UBE2W: variants seen among roughly 807,000 people sequenced by gnomAD.
UBE2W encodes the protein ubiquitin conjugating enzyme E2 W.
UBE2W carries 18 observed loss-of-function variants against 27.2 expected under a neutral mutation model. The observed-to-expected ratio is 0.66, with a 90% confidence interval of 0.46 to 0.98. The LOEUF (loss-of-function observed/expected upper bound fraction) is 0.98, where lower values mean the gene tolerates loss of function less well. Ranked by LOEUF, UBE2W falls within the 50% of genes least tolerant of loss-of-function variation. The pLI is 0.00. For missense variants in UBE2W, 90 were observed against 180.2 expected (o/e 0.50, Z 2.87); for synonymous variants, 53 against 57.2 (o/e 0.93, Z 0.33).
At chr8:73,796,879 A>C (rs1808444443) in intron 5 of UBE2W, among the ~76,000 whole-genome samples, 1 of 108,894 alleles carries the variant, frequency 9.2e-6, no homozygotes, top group Non-Finnish European at 1.8e-5. Context: ...CTCACCCCCC[A>C]ACCAAAAATA....
rs1297934002 is a variant in UBE2W, at chr8:73,792,702, A to G, written c.*1400T>C. The G allele has an allele frequency of 2.6e-5, 26 of 984,798 alleles. No homozygotes were observed. Among genetic ancestry groups the G allele is most frequent in the Non-Finnish European group, 3.1e-5 (26 of 828,960 alleles). The allele number at this position is 984,798 out of a possible 1,614,324, so 61.0% of individuals were successfully genotyped here. On this transcript the variant is annotated 3_prime_UTR_variant, in exon 6 of 6. Transcript: ENST00000602593. Reference sequence around the variant, plus strand: ...CAGATTTTGCATATGTGAAAAGGTAATTTATAAAATACATTAATCACTTTT... The same window carrying G: ...CAGATTTTGCATATGTGAAAAGGTAGTTTATAAAATACATTAATCACTTTT...
chr8:73,814,668 AC>A (rs1809313361), intron 3 of UBE2W, among the ~76,000 whole-genome samples: 1 of 151,878 alleles, frequency 6.6e-6, no homozygotes, highest in Admixed American at 6.6e-5. Context: ...ACAGGCGCAC[AC>A]CACCACGCCT....
chr8:73,819,383 C>T (rs965668370), intron 3 of UBE2W, among the ~76,000 whole-genome samples: 1 of 152,230 alleles, frequency 6.6e-6, no homozygotes, highest in Admixed American at 6.5e-5. Flanking sequence ...TCCCATGACA[C>T]ATCCTCAAGA....
intron 1 of UBE2W, among the ~76,000 whole-genome samples, chr8:73,866,290 AAT>A (rs71269958): frequency 0.028 from 1,217 of 43,048 alleles, 63 homozygotes; most frequent in Middle Eastern, 0.054. Context: ...AAAAAAAAAA[AAT>A]ATATATATAT....
At chr8:73,874,423 C>T (rs1812134639) in intron 1 of UBE2W, among the ~76,000 whole-genome samples, 1 of 152,080 alleles carries the variant, frequency 6.6e-6, no homozygotes, top group African/African-American at 2.4e-5. Context: ...CAGCGAGACT[C>T]TGTCTCAAAA....
chr8:73,828,768 T>A (rs913239672), intron 2 of UBE2W, among the ~76,000 whole-genome samples: 1 of 152,166 alleles, frequency 6.6e-6, no homozygotes, highest in Non-Finnish European at 1.5e-5. Context: ...ATCCTTTCTG[T>A]TACAATCCAA....
intron 1 of UBE2W, among the ~76,000 whole-genome samples, chr8:73,853,441 A>G (rs1162039569): frequency 6.6e-6 from 1 of 152,118 alleles, no homozygotes; most frequent in African/African-American, 2.4e-5. Context: ...TTTATTTTTT[A>G]TAGAGACAGG....
chr8:73,841,210 T>C (rs1424150533), intron 1 of UBE2W, among the ~76,000 whole-genome samples: 2 of 152,168 alleles, frequency 1.3e-5, no homozygotes, highest in Non-Finnish European at 2.9e-5. Context: ...TATTTTTCCC[T>C]AACAACATTA....
chr8:73,829,574 CA>C (rs1229482864), intron 2 of UBE2W, among the ~76,000 whole-genome samples: 4 of 19,018 alleles, frequency 2.1e-4, no homozygotes, highest in Admixed American at 8.2e-4. Context: ...ATGTGTATTA[CA>C]TTTTTTTTTT....
At position 73,841,459 on chromosome 8, in the gene UBE2W, T is replaced by C. The variant is rs186904578; in HGVS notation, c.16-10987A>G. Among the ~76,000 whole-genome samples the C allele has an allele frequency of 5.9e-5, 9 of 152,300 alleles. No homozygotes were observed. The East Asian group carries it at 1.7e-3, about 29-fold the overall frequency. ...TAGTTTAAGCTAAACTTTTTAAAATTCTGACAAATGAAAAAGTGTCAAGAC... is the reference window on the plus strand; with the variant it reads ...TAGTTTAAGCTAAACTTTTTAAAATCCTGACAAATGAAAAAGTGTCAAGAC... On this transcript the variant is annotated intron_variant, in intron 1 of 5. Transcript: ENST00000602593.
chr8:73,792,698 G>C lies in UBE2W; in HGVS notation c.*1404C>G. On this transcript the variant is annotated 3_prime_UTR_variant, in exon 6 of 6. Transcript: ENST00000602593. Reference sequence around the variant, plus strand: ...GAAACAGATTTTGCATATGTGAAAAGGTAATTTATAAAATACATTAATCAC... The same window carrying C: ...GAAACAGATTTTGCATATGTGAAAACGTAATTTATAAAATACATTAATCAC... The C allele has an allele frequency of 1.0e-6, 1 of 984,670 alleles. No individual in the cohort carries two copies. Among genetic ancestry groups the C allele is most frequent in the Non-Finnish European group, 1.2e-6 (1 of 828,986 alleles). 61.0% of individuals were successfully genotyped at this position (984,670 alleles called of 1,614,324 possible).
Position 73,837,099 on chromosome 8 carries a change from T to C in UBE2W, c.16-6627A>G, listed in dbSNP as rs186709818. 2.2e-3 allele frequency among the ~76,000 whole-genome samples: 337 copies of C among 152,360 alleles called. 1 individual carries two copies. The highest frequency in any genetic ancestry group is 6.6e-3 in the African/African-American group (273 of 41,588). ...CTAAGACACGCCATCAATTGTAAGA[T>C]GCATCATCATTTTATGTGTCACTAG... On this transcript the variant is annotated intron_variant, in intron 1 of 5. Coordinates refer to ENST00000602593, the MANE Select transcript of UBE2W (RefSeq NM_018299.6).
At position 73,794,075 on chromosome 8, in the gene UBE2W, T is replaced by TG. The variant is rs776538756; in HGVS notation, c.*26_*27insC. 1.2e-6 allele frequency: 2 copies of TG among 1,613,114 alleles called. No individual in the cohort carries two copies. The highest frequency in any genetic ancestry group is 1.7e-6 in the Non-Finnish European group (2 of 1,179,626). On this transcript the variant is annotated 3_prime_UTR_variant, in exon 6 of 6. Coordinates refer to ENST00000602593, the MANE Select transcript of UBE2W (RefSeq NM_018299.6). ...GCTCATTTTCTCAGTAGGACTATCT[T>TG]CTGCTAGGAGGATGATAACAGTGGC...
At position 73,787,398 on chromosome 8, in the gene UBE2W, T is replaced by C. The variant is rs1277653769; in HGVS notation, c.*6704A>G. ...CTAATGGAGAAAAGTCAAATCCTAC[T>C]ATGGAAAGTAGAAATTAAGGATTAT... On this transcript the variant is annotated 3_prime_UTR_variant, in exon 6 of 6. Coordinates refer to ENST00000602593, the MANE Select transcript of UBE2W (RefSeq NM_018299.6). 2.0e-6 allele frequency: 2 copies of C among 985,256 alleles called. No homozygotes were observed. The highest frequency in any genetic ancestry group is 2.4e-6 in the Non-Finnish European group (2 of 829,912). 61.0% of individuals were successfully genotyped at this position (985,256 alleles called of 1,614,324 possible).
chr8:73,780,460 A>G (rs1807821114), exon 5 of UBE2W: 1 of 451,812 alleles, frequency 2.2e-6, no homozygotes. Context: ...ACTTCAACAC[A>G]TCTTATTGGA....
At chr8:73,808,512 C>T (rs529795250) in intron 4 of UBE2W, among the ~76,000 whole-genome samples, 3 of 152,330 alleles carry the variant, frequency 2.0e-5, no homozygotes, top group South Asian at 2.1e-4. Flanking sequence ...GGATTACAGG[C>T]GTGAGCCACT....
chr8:73,784,490 A>T (rs566870871), downstream of UBE2W, among the ~76,000 whole-genome samples: 4 of 152,310 alleles, frequency 2.6e-5, no homozygotes, highest in African/African-American at 9.6e-5. Context: ...GTCTGTTTAT[A>T]TTTCTGCTGG....
At chr8:73,810,407 A>T in intron 4 of UBE2W, 67 bp downstream of exon 4, 1 of 1,391,120 alleles carries the variant, frequency 7.2e-7, no homozygotes, top group Non-Finnish European at 9.7e-7. Context: ...ATAATTACAT[A>T]TTAAAATTAT....
chr8:73,826,082 G>A (rs1401879912), intron 2 of UBE2W, among the ~76,000 whole-genome samples: 1 of 151,980 alleles, frequency 6.6e-6, no homozygotes, highest in Non-Finnish European at 1.5e-5. Context: ...GAGCTAAATT[G>A]ACATCAGTCC....
Sources: allele counts gnomAD v4.1 joint callset (sites outside exome capture counted in the v4.1 genomes callset), GRCh38; gene constraint gnomAD v4.1.1; transcripts MANE v1.5; gene names NCBI Gene and HGNC (gene_info 2026-07-23, HGNC 2026-07-21).